The following RHOA variants were observed in gnomAD, a reference collection of about 807,000 sequenced individuals.
The protein encoded by RHOA is transforming protein RhoA.
In RHOA, 3 loss-of-function variants were observed where a neutral mutation model predicts 17.5. The observed-to-expected ratio is 0.17, with a 90% CI of 0.08 to 0.44. The LOEUF (loss-of-function observed/expected upper bound fraction) is 0.44. Among genes scored for constraint, RHOA ranks in the 20% least tolerant of loss-of-function variants. The pLI, the probability that RHOA is intolerant of heterozygous loss-of-function variation, is 0.99. For synonymous variants in RHOA, 98 were observed against 88.4 expected (o/e 1.11, Z -0.61); for missense variants, 56 against 242.3 (o/e 0.23, Z 5.10).
At chr3:49,373,916 C>CA (rs1012071432) in intron 2 of RHOA, among the ~76,000 whole-genome samples, 14 of 151,236 alleles carry the variant, frequency 9.3e-5, no homozygotes, top group African/African-American at 3.1e-4. Context: ...AATTAAAACC[C>CA]AAAAAAACCC....
rs558932825 is a variant in RHOA, at chr3:49,393,090, C to T, written c.-2-17499G>A. 1.2e-4 allele frequency among the ~76,000 whole-genome samples: 19 copies of T among 152,214 alleles called. No individual in the cohort carries two copies. In the South Asian group the frequency reaches 3.3e-3, roughly 27 times the overall value. ...ACCTGAGAGGCTGAGGCAGGAGAATCGCTGGAACCTGGGAGGCGGAGGCTG... is the reference window on the plus strand; with the variant it reads ...ACCTGAGAGGCTGAGGCAGGAGAATTGCTGGAACCTGGGAGGCGGAGGCTG... On this transcript the variant is annotated intron_variant, in intron 1 of 4. Coordinates refer to ENST00000418115, the MANE Select transcript of RHOA (RefSeq NM_001664.4).
In RHOA at chr3:49,375,420, A is replaced by T. The variant is rs1309843438; in HGVS notation, c.156+14T>A. 6.3e-7 allele frequency: 1 copy of T among 1,596,932 alleles called. No individual in the cohort carries two copies. Among genetic ancestry groups the T allele is most frequent in the East Asian group, 2.2e-5 (1 of 44,536 alleles). On this transcript the variant is annotated intron_variant, in intron 2 of 4. Transcript: ENST00000418115. ...ATGGAAAATGGCATCAGTTGTTATG[A>T]AAAGTATACTCACCTGCTTTCCATC...
chr3:49,363,869 AC>A (rs1266748619), intron 3 of RHOA, among the ~76,000 whole-genome samples: 3 of 151,742 alleles, frequency 2.0e-5, no homozygotes, highest in African/African-American at 7.3e-5. Flanking sequence ...AAAGTCAAAA[AC>A]CCCATCTCCA....
At chr3:49,407,242 T>G (rs923336723) in intron 1 of RHOA, among the ~76,000 whole-genome samples, 1 of 138,964 alleles carries the variant, frequency 7.2e-6, no homozygotes, top group Admixed American at 7.3e-5. Context: ...GTTTTTTTTT[T>G]TTTTTTTTTT....
chr3:49,364,439 C>G (rs2048021856), intron 3 of RHOA, among the ~76,000 whole-genome samples: 1 of 151,892 alleles, frequency 6.6e-6, no homozygotes, highest in East Asian at 1.9e-4. Context: ...GAGCCGAGAT[C>G]GTGCCATTGC....
chr3:49,384,414 A>G (rs989211072), intron 1 of RHOA, among the ~76,000 whole-genome samples: 3 of 152,204 alleles, frequency 2.0e-5, no homozygotes, highest in Non-Finnish European at 2.9e-5. Flanking sequence ...GAAATAACTT[A>G]TAAGTTTGGA....
chr3:49,384,707 C>T (rs561102582), intron 1 of RHOA, among the ~76,000 whole-genome samples: 28 of 152,032 alleles, frequency 1.8e-4, no homozygotes, highest in African/African-American at 6.7e-4. Flanking sequence ...GGAGTTTCAC[C>T]ATGTTGCCCA....
chr3:49,400,941 G>C (rs1205462120), intron 1 of RHOA, among the ~76,000 whole-genome samples: 1 of 149,034 alleles, frequency 6.7e-6, no homozygotes, highest in Non-Finnish European at 1.5e-5. Context: ...AGCTATTCGG[G>C]AGGCTGAGGC....
chr3:49,383,065 A>AAAAAAG (rs926812160), intron 1 of RHOA, among the ~76,000 whole-genome samples: 7 of 150,196 alleles, frequency 4.7e-5, no homozygotes, highest in Non-Finnish European at 1.0e-4. Context: ...ATCAGAAAAA[A>AAAAAAG]AAAAAGAAAA....
intron 1 of RHOA, among the ~76,000 whole-genome samples, chr3:49,382,314 G>A (rs1008381925): frequency 8.7e-5 from 13 of 149,734 alleles, no homozygotes; most frequent in South Asian, 4.2e-4. Flanking sequence ...GAGAGACTCC[G>A]TCTCAAAAAT....
chr3:49,369,074 G>C (rs929099650), intron 2 of RHOA, among the ~76,000 whole-genome samples: 5 of 121,014 alleles, frequency 4.1e-5, no homozygotes, highest in Non-Finnish European at 8.0e-5. Context: ...GCTCAGACTG[G>C]AGTTCAGTGG....
At chr3:49,378,152 CAG>C (rs2048262228) in intron 1 of RHOA, among the ~76,000 whole-genome samples, 1 of 93,792 alleles carries the variant, frequency 1.1e-5, no homozygotes, top group Non-Finnish European at 2.0e-5. Flanking sequence ...GCCTGGGCAA[CAG>C]AGTGAAACTG....
At chr3:49,391,043 C>T (rs2048493885) in intron 1 of RHOA, among the ~76,000 whole-genome samples, 1 of 151,644 alleles carries the variant, frequency 6.6e-6, no homozygotes, top group Non-Finnish European at 1.5e-5. Context: ...ACGGTGAAAC[C>T]CCGTCTCTAC....
At chr3:49,397,087 G>C (rs1409158630) in intron 1 of RHOA, among the ~76,000 whole-genome samples, 2 of 138,504 alleles carry the variant, frequency 1.4e-5, no homozygotes, top group East Asian at 4.2e-4. Context: ...TAGTGATCGA[G>C]ACACTGCACT....
intron 1 of RHOA, among the ~76,000 whole-genome samples, chr3:49,385,020 A>T (rs1380565184): frequency 6.7e-6 from 1 of 148,254 alleles, no homozygotes; most frequent in Non-Finnish European, 1.5e-5. Context: ...CTGAGATGGC[A>T]CCACTGCACT....
chr3:49,405,096 A>G (rs2048804802), intron 1 of RHOA, among the ~76,000 whole-genome samples: 1 of 150,942 alleles, frequency 6.6e-6, no homozygotes, highest in Non-Finnish European at 1.5e-5. Flanking sequence ...AAAAATACAA[A>G]AAAAAAAAAC....
At chr3:49,391,416 T>C (rs1485859669) in intron 1 of RHOA, among the ~76,000 whole-genome samples, 3 of 151,238 alleles carry the variant, frequency 2.0e-5, no homozygotes, top group Admixed American at 6.6e-5. Context: ...GTAAAAATTA[T>C]ACATACTTAG....
chr3:49,411,638 G>A (rs1466218824), intron 1 of RHOA, among the ~76,000 whole-genome samples, 182 bp downstream of exon 1: 1 of 151,718 alleles, frequency 6.6e-6, no homozygotes, highest in Non-Finnish European at 1.5e-5. Context: ...CGCGGGCGGG[G>A]TCGCCGCTTG....
intron 1 of RHOA, among the ~76,000 whole-genome samples, chr3:49,376,826 T>C (rs1314295711): frequency 1.3e-5 from 2 of 151,920 alleles, no homozygotes; most frequent in Non-Finnish European, 1.5e-5. Flanking sequence ...CTAGATTTGT[T>C]TGTAAAGAAA....
Sources: allele counts gnomAD v4.1 joint callset (sites outside exome capture counted in the v4.1 genomes callset), GRCh38; gene constraint gnomAD v4.1.1; transcripts MANE v1.5; gene names NCBI Gene and HGNC (gene_info 2026-07-23, HGNC 2026-07-21).